NR1H4: variants seen among roughly 807,000 people sequenced by gnomAD.
The protein encoded by NR1H4 is nuclear receptor subfamily 1 group H member 4.
NR1H4 carries 23 observed loss-of-function variants against 58.5 expected under a neutral mutation model. The ratio of observed to expected loss-of-function variants is 0.39; its 90% CI spans 0.28 to 0.56. The LOEUF is 0.56. Ranked by LOEUF, NR1H4 falls within the 20% of genes least tolerant of loss-of-function variation. The pLI is 0.58. For missense variants in NR1H4, 487 were observed against 576.9 expected, an observed-to-expected ratio of 0.84 and a Z score of 1.60; for synonymous variants, 214 against 198.0, an observed-to-expected ratio of 1.08 and a Z score of -0.68.
intron 1 of NR1H4, among the ~76,000 whole-genome samples, chr12:100,475,124 C>CTATCTATCTAT (rs149156136): frequency 1.8e-4 from 26 of 143,086 alleles, no homozygotes; most frequent in East Asian, 4.4e-4. Flanking sequence ...AAGTGGTTTA[C>CTATCTATCTAT]CTATCTATCT....
intron 3 of NR1H4, chr12:100,505,808 A>G (rs1164462271): frequency 8.2e-6 from 4 of 489,690 alleles, no homozygotes; most frequent in Non-Finnish European, 1.4e-5. Flanking sequence ...AAGTCGAACT[A>G]CCTCTACTCC....
intron 3 of NR1H4, chr12:100,505,775 T>C (rs1953945202): frequency 3.8e-6 from 2 of 525,900 alleles, no homozygotes. Flanking sequence ...AATTTACCTT[T>C]TCAGAAAGCA....
At chr12:100,482,557 T>C (rs1188944836) in intron 1 of NR1H4, among the ~76,000 whole-genome samples, 2 of 152,204 alleles carry the variant, frequency 1.3e-5, no homozygotes, top group Admixed American at 6.5e-5. Flanking sequence ...TCCAATGTAA[T>C]CTCTCCTAGA....
intron 9 of NR1H4, among the ~76,000 whole-genome samples, chr12:100,545,672 A>AAAAC (rs1251181329): frequency 8.3e-6 from 1 of 119,762 alleles, no homozygotes; most frequent in African/African-American, 4.6e-5. Flanking sequence ...AAAAAAAACC[A>AAAAC]AACGGGGGGC....
At chr12:100,481,347 C>T (rs78760022) in intron 1 of NR1H4, among the ~76,000 whole-genome samples, 2 of 151,722 alleles carry the variant, frequency 1.3e-5, no homozygotes, top group South Asian at 2.1e-4. Flanking sequence ...GTACATAATG[C>T]GAAAAAAGAA....
At chr12:100,543,951 C>T (rs1197826830) in intron 9 of NR1H4, among the ~76,000 whole-genome samples, 2 of 152,020 alleles carry the variant, frequency 1.3e-5, no homozygotes, top group Non-Finnish European at 2.9e-5. Flanking sequence ...GGCGGTGCTC[C>T]CTTTAAGAAA....
intron 10 of NR1H4, among the ~76,000 whole-genome samples, chr12:100,562,601 C>A (rs761878822): frequency 1.3e-5 from 2 of 152,078 alleles, no homozygotes; most frequent in Admixed American, 6.5e-5. Flanking sequence ...TATGAATATA[C>A]AATCATTTAC....
chr12:100,493,758 A>C (rs755405952), intron 3 of NR1H4, among the ~76,000 whole-genome samples: 1 of 152,194 alleles, frequency 6.6e-6, no homozygotes, highest in African/African-American at 2.4e-5. Context: ...TTATGGCTTA[A>C]TATGACACCT....
intron 1 of NR1H4, among the ~76,000 whole-genome samples, chr12:100,479,687 A>C (rs1364061683): frequency 1.3e-5 from 2 of 152,220 alleles, no homozygotes; most frequent in African/African-American, 4.8e-5. Context: ...TCCATTTAGA[A>C]GAAAATCCAA....
chr12:100,505,783 G>C (rs778035736), intron 3 of NR1H4: 1 of 517,004 alleles, frequency 1.9e-6, no homozygotes, highest in African/African-American at 1.9e-5. Context: ...TTTTCAGAAA[G>C]CATACTCTAA....
At chr12:100,487,595 CTT>C (rs34694873) in intron 1 of NR1H4, among the ~76,000 whole-genome samples, 14 of 115,966 alleles carry the variant, frequency 1.2e-4, no homozygotes, top group East Asian at 4.9e-4. Context: ...TCTTCTTCTT[CTT>C]TTTTTTTTTT....
At chr12:100,549,899 A>G (rs1957848395) in intron 9 of NR1H4, among the ~76,000 whole-genome samples, 1 of 152,194 alleles carries the variant, frequency 6.6e-6, no homozygotes, top group Non-Finnish European at 1.5e-5. Flanking sequence ...TCGCAAGATG[A>G]CCTTTCAGAC....
At chr12:100,475,509 C>G (rs1953249946) in intron 1 of NR1H4, among the ~76,000 whole-genome samples, 1 of 152,070 alleles carries the variant, frequency 6.6e-6, no homozygotes, top group Non-Finnish European at 1.5e-5. Context: ...GTCATGGAAT[C>G]CTTGTCCTTC....
At chr12:100,525,625 G>C (rs374810702) in intron 4 of NR1H4, among the ~76,000 whole-genome samples, 61 of 152,242 alleles carry the variant, frequency 4.0e-4, no homozygotes, top group African/African-American at 1.4e-3. Context: ...GTATAGTTTT[G>C]GTATTAGGGT....
In NR1H4 at chr12:100,532,467, G is replaced by A. The variant is rs987379844; in HGVS notation, c.455G>A (p.Arg152Lys). ...LTCEGCKGFF[R>K]RSITKNAVYK... The stretch of plus-strand genomic sequence containing the variant: ...AGTGTTTCTCCCACAGGTTTCTTCA[G>A]GAGAAGCATTACCAAAAACGCTGTG... The change falls in exon 5 of 11, where the codon AGG (arginine) becomes AAG (lysine). Residue 152 changes from arginine to lysine, a missense_variant. Transcript: ENST00000392986. The A allele has an allele frequency of 6.2e-7, 1 of 1,614,004 alleles. No homozygotes were observed. The highest frequency in any genetic ancestry group is 8.5e-7 in the Non-Finnish European group (1 of 1,180,000).
At chr12:100,534,043 C>T (rs563090689) in intron 5 of NR1H4, among the ~76,000 whole-genome samples, 3 of 151,962 alleles carry the variant, frequency 2.0e-5, no homozygotes, top group Non-Finnish European at 4.4e-5. Flanking sequence ...ACTACAGGCG[C>T]CCGCCACTGC....
intron 9 of NR1H4, among the ~76,000 whole-genome samples, chr12:100,542,233 G>T (rs1013150335): frequency 6.6e-6 from 1 of 152,122 alleles, no homozygotes; most frequent in Non-Finnish European, 1.5e-5. Context: ...TGTAATCCCA[G>T]TTACTCAGGA....
intron 9 of NR1H4, among the ~76,000 whole-genome samples, chr12:100,555,017 A>T (rs765276007): frequency 1.3e-5 from 2 of 152,208 alleles, no homozygotes; most frequent in Non-Finnish European, 2.9e-5. Flanking sequence ...TACAACATGC[A>T]CAAGATGAAA....
intron 3 of NR1H4, among the ~76,000 whole-genome samples, chr12:100,495,155 C>T (rs1031353567): frequency 4.6e-5 from 7 of 152,244 alleles, no homozygotes; most frequent in Non-Finnish European, 8.8e-5. Context: ...TGGTTCTCTC[C>T]TCTCTCTCTT....
Sources: allele counts gnomAD v4.1 joint callset (sites outside exome capture counted in the v4.1 genomes callset), GRCh38; gene constraint gnomAD v4.1.1; transcripts MANE v1.5; gene names NCBI Gene and HGNC (gene_info 2026-07-23, HGNC 2026-07-21).